MAPKAP1: variants seen among roughly 807,000 people sequenced by gnomAD.
The protein encoded by MAPKAP1 is target of rapamycin complex 2 subunit MAPKAP1.
A neutral mutation model predicts 65.7 loss-of-function variants in MAPKAP1; 20 were observed. The observed-to-expected ratio is 0.30, with a 90% CI of 0.21 to 0.44. MAPKAP1 has a LOEUF of 0.44. Among genes scored for constraint, MAPKAP1 ranks in the 20% least tolerant of loss-of-function variants. The probability of loss-of-function intolerance (pLI) is 1.00; values close to 1 mark genes in which losing one functional copy is unlikely to be tolerated. For missense variants in MAPKAP1, 423 were observed against 648.0 expected (o/e 0.65, Z 3.77); for synonymous variants, 222 against 244.3 (o/e 0.91, Z 0.85).
chr9:125,493,463 G>C (rs1197916322), intron 8 of MAPKAP1, among the ~76,000 whole-genome samples: 3 of 152,196 alleles, frequency 2.0e-5, no homozygotes, highest in African/African-American at 7.2e-5. Context: ...CCTGAGGGCA[G>C]GAACATCCCA....
rs559011846 is a variant in MAPKAP1 at position 125,679,720 on chromosome 9, C to T, written c.-69-7077G>A. ...CAAACAAGCCCACCCTATACTTCTT[C>T]AGTCTCTAAGGACCTGAGATAGGCA... On this transcript the variant is annotated intron_variant, in intron 1 of 11. Transcript: ENST00000265960. 4.0e-4 allele frequency among the ~76,000 whole-genome samples: 61 copies of T among 152,334 alleles called. 2 individuals are homozygous for T. The South Asian group carries it at 0.012, about 31-fold the overall frequency.
chr9:125,442,670 A>G lies in MAPKAP1; in HGVS notation c.1443+1831T>C, dbSNP rs542404307. Among the ~76,000 whole-genome samples, 195 of 152,200 alleles carry G rather than the reference A, an allele frequency of 1.3e-3. 2 individuals carry two copies. Among genetic ancestry groups the G allele is most frequent in the African/African-American group, 4.5e-3 (185 of 41,512 alleles). ...GGTAACTCGAAGCTCGCTGGCTGCA[A>G]GCACTCCCAGGCAGGCCCGTGTCCC... On this transcript the variant is annotated intron_variant, in intron 11 of 11. Coordinates refer to ENST00000265960, the MANE Select transcript of MAPKAP1 (RefSeq NM_001006617.3).
intron 4 of MAPKAP1, among the ~76,000 whole-genome samples, chr9:125,633,313 G>A (rs1424958270): frequency 2.0e-5 from 3 of 152,218 alleles, no homozygotes; most frequent in African/African-American, 4.8e-5. Context: ...AGAAAGCCTG[G>A]CCCAAGTATC....
In MAPKAP1 at chr9:125,627,795, G is replaced by A. The variant is rs548886716; in HGVS notation, c.498+29856C>T. ...TAGATCTTGTGGGATATGTGGGAAC[G>A]AAGCTCTGAAAGCATTCAGGTAAGA... On this transcript the variant is annotated intron_variant, in intron 4 of 11. Transcript: ENST00000265960. Among the ~76,000 whole-genome samples, 141 of 152,106 alleles carry A rather than the reference G, an allele frequency of 9.3e-4. 1 individual carries two copies. Among genetic ancestry groups the A allele is most frequent in the Middle Eastern group, 6.8e-3 (2 of 292 alleles).
chr9:125,556,883 T>C (rs1830751008), intron 6 of MAPKAP1, among the ~76,000 whole-genome samples: 2 of 152,250 alleles, frequency 1.3e-5, no homozygotes, highest in Non-Finnish European at 2.9e-5. Flanking sequence ...GTCAGTAATC[T>C]GTACTATTTC....
chr9:125,579,245 A>G (rs1831542523), intron 5 of MAPKAP1, among the ~76,000 whole-genome samples: 1 of 152,236 alleles, frequency 6.6e-6, no homozygotes, highest in Admixed American at 6.5e-5. Context: ...CATTGGGGCC[A>G]AAGTCTACTA....
chr9:125,644,526 C>T (rs1373647639), intron 4 of MAPKAP1, among the ~76,000 whole-genome samples: 1 of 152,212 alleles, frequency 6.6e-6, no homozygotes, highest in Non-Finnish European at 1.5e-5. Flanking sequence ...CCTATACATC[C>T]TTTTCCATAG....
chr9:125,687,613 C>CA (rs5900669), intron 1 of MAPKAP1, among the ~76,000 whole-genome samples: 46,676 of 129,348 alleles, frequency 0.36, 7,908 homozygotes, highest in Non-Finnish European at 0.42. Context: ...CCCACCTATA[C>CA]AAAAAAAAAA....
rs141334288 is a variant in MAPKAP1, at chr9:125,650,145, A to C, written c.498+7506T>G. On this transcript the variant is annotated intron_variant, in intron 4 of 11. Coordinates refer to ENST00000265960, the MANE Select transcript of MAPKAP1 (RefSeq NM_001006617.3). ...AATTCATTCACTCCATCTTCATTCT[A>C]ACAAGCAAGCCCAAGTTACCACTCT... Among the ~76,000 whole-genome samples the C allele has an allele frequency of 4.8e-3, 727 of 152,290 alleles. 4 individuals are homozygous for C. Among genetic ancestry groups the C allele is most frequent in the African/African-American group, 0.017 (694 of 41,556 alleles).
At chr9:125,657,541 A>T (rs1834066370) in intron 4 of MAPKAP1, 110 bp downstream of exon 4, 1 of 987,180 alleles carries the variant, frequency 1.0e-6, no homozygotes, top group Non-Finnish European at 1.5e-6. Flanking sequence ...ATAACTGTCA[A>T]CTGATATTCT....
intron 1 of MAPKAP1, among the ~76,000 whole-genome samples, chr9:125,681,726 A>T (rs1834827417): frequency 6.6e-6 from 1 of 152,250 alleles, no homozygotes; most frequent in East Asian, 1.9e-4. Context: ...ATTTATTTTT[A>T]GAATTCATTC....
At chr9:125,679,436 C>T (rs574018496) in intron 1 of MAPKAP1, among the ~76,000 whole-genome samples, 1 of 152,268 alleles carries the variant, frequency 6.6e-6, no homozygotes, top group East Asian at 1.9e-4. Context: ...CTCCCCTCCA[C>T]TAACAACAGT....
intron 6 of MAPKAP1, among the ~76,000 whole-genome samples, chr9:125,545,100 C>T (rs1476749477): frequency 6.6e-6 from 1 of 152,224 alleles, no homozygotes; most frequent in Non-Finnish European, 1.5e-5. Context: ...TGAGAACTGT[C>T]AAGCTAATTT....
At chr9:125,634,312 T>G (rs766664934) in intron 4 of MAPKAP1, among the ~76,000 whole-genome samples, 6 of 152,166 alleles carry the variant, frequency 3.9e-5, no homozygotes, top group South Asian at 2.1e-4. Flanking sequence ...ATTTATTGCC[T>G]CCAGACAGAT....
intron 4 of MAPKAP1, among the ~76,000 whole-genome samples, chr9:125,604,462 C>T (rs1832389690): frequency 6.6e-6 from 1 of 152,180 alleles, no homozygotes; most frequent in Non-Finnish European, 1.5e-5. Context: ...ATGTTTTATT[C>T]CAGCTCCCCT....
At chr9:125,533,892 T>C (rs1490162299) in intron 7 of MAPKAP1, among the ~76,000 whole-genome samples, 2 of 152,226 alleles carry the variant, frequency 1.3e-5, no homozygotes, top group African/African-American at 4.8e-5. Context: ...GTTTTTGTAA[T>C]ACTGAAAATT....
At chr9:125,581,184 G>A (rs1270154037) in intron 5 of MAPKAP1, among the ~76,000 whole-genome samples, 1 of 152,258 alleles carries the variant, frequency 6.6e-6, no homozygotes, top group Admixed American at 6.5e-5. Context: ...GTTTTTATGT[G>A]AATGTAAGTT....
chr9:125,473,005 A>ATGCTGAAG (rs559766125), intron 9 of MAPKAP1, among the ~76,000 whole-genome samples: 214 of 152,130 alleles, frequency 1.4e-3, no homozygotes, highest in Non-Finnish European at 2.1e-3. Flanking sequence ...AAGGATAAGT[A>ATGCTGAAG]TGCTGAAGTC....
At chr9:125,686,945 G>C (rs1027628131) in intron 1 of MAPKAP1, among the ~76,000 whole-genome samples, 3 of 151,784 alleles carry the variant, frequency 2.0e-5, no homozygotes, top group Non-Finnish European at 4.4e-5. Context: ...TCCTGCCTCA[G>C]CCTCCCAAGT....
Sources: allele counts gnomAD v4.1 joint callset (sites outside exome capture counted in the v4.1 genomes callset), GRCh38; gene constraint gnomAD v4.1.1; transcripts MANE v1.5; gene names NCBI Gene and HGNC (gene_info 2026-07-23, HGNC 2026-07-21).